RBFOX1: variants seen among roughly 807,000 people sequenced by gnomAD.
RBFOX1 encodes RNA binding protein fox-1 homolog 1.
RBFOX1 carries 8 observed loss-of-function variants against 57.7 expected under a neutral mutation model. The ratio of observed to expected loss-of-function variants is 0.14; its 90% CI spans 0.08 to 0.25. RBFOX1 has a LOEUF of 0.25. Among genes scored for constraint, RBFOX1 ranks in the 10% least tolerant of loss-of-function variants. RBFOX1 has a pLI of 1.00. For missense variants in RBFOX1, 611 were observed against 548.5 expected, an observed-to-expected ratio of 1.11 and a Z score of -1.14; for synonymous variants, 326 against 222.4, an observed-to-expected ratio of 1.47 and a Z score of -4.15.
Position 5,798,645 on chromosome 16 carries a change from G to A in RBFOX1, c.319-68658G>A, listed in dbSNP as rs573151698. On this transcript the variant is annotated intron_variant, in intron 3 of 19. Transcript: ENST00000641259. ...CACTCACCTATATGCCTGTCTCCAT[G>A]AAATATATGTGTGTCAAATGGGACT... 3.5e-4 allele frequency among the ~76,000 whole-genome samples: 54 copies of A among 152,212 alleles called. 1 individual carries two copies. Among genetic ancestry groups the A allele is most frequent in the Non-Finnish European group, 6.9e-4 (47 of 68,032 alleles).
At chr16:6,505,716 A>G (rs758991276) in intron 2 of RBFOX1, among the ~76,000 whole-genome samples, 3 of 152,362 alleles carry the variant, frequency 2.0e-5, no homozygotes, top group African/African-American at 7.2e-5. Context: ...ACTCTTTGGT[A>G]CAGACTAAAA....
chr16:7,048,339 A>C (rs1377492918), intron 3 of RBFOX1, among the ~76,000 whole-genome samples: 1 of 152,058 alleles, frequency 6.6e-6, no homozygotes, highest in East Asian at 1.9e-4. Flanking sequence ...GGCTCACTGC[A>C]ACCTCTGCCT....
At chr16:7,034,827 C>CTTTTTTTTTTTCTTTTTTGTTTTTT (rs2043824001) in intron 3 of RBFOX1, among the ~76,000 whole-genome samples, 1 of 54,114 alleles carries the variant, frequency 1.8e-5, no homozygotes, top group Non-Finnish European at 3.1e-5. Context: ...TATTGCATTA[C>CTTTTTTTTTTTCTTTTTTGTTTTTT]TTTTTTTTTT....
intron 1 of RBFOX1, among the ~76,000 whole-genome samples, chr16:5,311,264 A>G (rs760482691): frequency 6.6e-6 from 1 of 152,208 alleles, no homozygotes. Context: ...ATACACACAC[A>G]TATATATTAA....
chr16:5,424,907 CT>C (rs1343285949), intron 1 of RBFOX1, among the ~76,000 whole-genome samples: 15 of 94,528 alleles, frequency 1.6e-4, no homozygotes, highest in African/African-American at 4.9e-4. Context: ...TTCTTTCTTT[CT>C]TTCTTTCTTT....
intron 4 of RBFOX1, among the ~76,000 whole-genome samples, chr16:7,514,996 C>T (rs1209094546): frequency 1.3e-5 from 2 of 152,132 alleles, no homozygotes; most frequent in African/African-American, 2.4e-5. Context: ...TTCTGTGCTT[C>T]CCTGTAAGAG....
rs146059373 is a variant in RBFOX1, at chr16:6,280,754, A to G, written c.-126-36241A>G. On this transcript the variant is annotated intron_variant, in intron 1 of 15. Transcript: ENST00000550418. ...TATGTGTTTATACCGGTCATTACAT[A>G]AACCAGTCACATCTGAAGGGCTCAC... Among the ~76,000 whole-genome samples, 494 of 152,204 alleles carry G rather than the reference A, an allele frequency of 3.2e-3. 4 individuals carry two copies. The highest frequency in any genetic ancestry group is 0.011 in the African/African-American group (455 of 41,548).
chr16:5,697,213 G>T (rs1455558168), intron 3 of RBFOX1, among the ~76,000 whole-genome samples: 1 of 151,942 alleles, frequency 6.6e-6, no homozygotes, highest in Non-Finnish European at 1.5e-5. Context: ...CTAATACTTT[G>T]GTTGTAGATC....
chr16:5,563,345 G>A (rs1366890087), intron 2 of RBFOX1, among the ~76,000 whole-genome samples: 1 of 152,182 alleles, frequency 6.6e-6, no homozygotes, highest in Non-Finnish European at 1.5e-5. Context: ...CTAACTGTCT[G>A]TCCTCCAAAT....
intron 4 of RBFOX1, among the ~76,000 whole-genome samples, chr16:7,220,531 C>T (rs1418549915): frequency 4.6e-5 from 7 of 152,158 alleles, no homozygotes; most frequent in Admixed American, 4.6e-4. Flanking sequence ...GCCTTATGTG[C>T]CCACTTTGGA....
At chr16:6,193,689 A>G (rs2097161979) in intron 1 of RBFOX1, among the ~76,000 whole-genome samples, 1 of 151,700 alleles carries the variant, frequency 6.6e-6, no homozygotes, top group Non-Finnish European at 1.5e-5. Context: ...TTCAGCCTTC[A>G]TTTTTCAGCC....
At chr16:7,394,493 AC>A (rs901420100) in intron 4 of RBFOX1, among the ~76,000 whole-genome samples, 1 of 151,946 alleles carries the variant, frequency 6.6e-6, no homozygotes, top group Non-Finnish European at 1.5e-5. Flanking sequence ...CAAGAGTCAA[AC>A]CCCCACACCT....
At chr16:7,524,699 G>C (rs188502339) in intron 5 of RBFOX1, among the ~76,000 whole-genome samples, 152 of 152,318 alleles carry the variant, frequency 1.0e-3, no homozygotes, top group African/African-American at 3.6e-3. Flanking sequence ...GAACTATTTA[G>C]AGAGCCAGGT....
intron 4 of RBFOX1, among the ~76,000 whole-genome samples, chr16:7,458,967 A>T (rs536941417): frequency 5.3e-5 from 8 of 152,330 alleles, no homozygotes; most frequent in African/African-American, 9.6e-5. Flanking sequence ...AGTGCCTTTC[A>T]CAAAGTAGGT....
At chr16:7,199,930 C>T (rs777417991) in intron 4 of RBFOX1, among the ~76,000 whole-genome samples, 5 of 150,326 alleles carry the variant, frequency 3.3e-5, no homozygotes, top group African/African-American at 1.2e-4. Context: ...ACAACAACAA[C>T]AAAGAAATTA....
chr16:7,178,106 C>G (rs184051517), intron 4 of RBFOX1, among the ~76,000 whole-genome samples: 1 of 152,152 alleles, frequency 6.6e-6, no homozygotes, highest in Non-Finnish European at 1.5e-5. Context: ...CAAATAACCC[C>G]CAGGATGTCA....
chr16:5,510,509 C>G lies in RBFOX1; in HGVS notation c.258+43255C>G, dbSNP rs550188385. Among the ~76,000 whole-genome samples the G allele has an allele frequency of 1.5e-3, 219 of 146,534 alleles. 1 individual carries two copies. Among genetic ancestry groups the G allele is most frequent in the African/African-American group, 5.1e-3 (201 of 39,260 alleles). ...GTCATCACTCCCACCAAGTTTTGGC[C>G]AAAGCAAGTCGCGTGGCTGAGTCCA... is the stretch of plus-strand genomic sequence containing the variant. On this transcript the variant is annotated intron_variant, in intron 2 of 2. Coordinates refer to the RBFOX1 transcript ENST00000585867.
At chr16:5,596,032 C>G (rs2047169351) in intron 2 of RBFOX1, among the ~76,000 whole-genome samples, 1 of 152,096 alleles carries the variant, frequency 6.6e-6, no homozygotes, top group Non-Finnish European at 1.5e-5. Context: ...GGAAGTGCGG[C>G]ACAATGAGAG....
At chr16:6,534,851 C>A (rs560952795) in intron 2 of RBFOX1, among the ~76,000 whole-genome samples, 6 of 152,180 alleles carry the variant, frequency 3.9e-5, no homozygotes, top group African/African-American at 1.4e-4. Context: ...CTGTGCAGTT[C>A]ATGTAATTAC....
Sources: allele counts gnomAD v4.1 joint callset (sites outside exome capture counted in the v4.1 genomes callset), GRCh38; gene constraint gnomAD v4.1.1; transcripts MANE v1.5; gene names NCBI Gene and HGNC (gene_info 2026-07-23, HGNC 2026-07-21).